Variants in HERC1 observed in about 807,000 individuals in gnomAD.
HERC1 encodes the protein probable E3 ubiquitin-protein ligase HERC1.
HERC1 carries 160 observed loss-of-function variants against 554.3 expected under a neutral mutation model. The ratio of observed to expected loss-of-function variants is 0.29; its 90% CI spans 0.25 to 0.33. The LOEUF is 0.33. HERC1 is among the 10% of genes least tolerant of loss of function. HERC1 has a pLI of 1.00. For synonymous variants in HERC1, 2,175 were observed against 2,131.7 expected, an observed-to-expected ratio of 1.02 and a Z score of -0.56; for missense variants, 4,919 against 5,918.5, an observed-to-expected ratio of 0.83 and a Z score of 5.54.
chr15:63,675,630 G>T (rs927801868), intron 37 of HERC1, among the ~76,000 whole-genome samples: 1 of 152,094 alleles, frequency 6.6e-6, no homozygotes, highest in African/African-American at 2.4e-5. Context: ...TTTCAGTGAG[G>T]ACTTCATTTC....
At chr15:63,740,562 T>C (rs997450798) in intron 12 of HERC1, among the ~76,000 whole-genome samples, 2 of 152,238 alleles carry the variant, frequency 1.3e-5, no homozygotes, top group African/African-American at 4.8e-5. Context: ...AGGTTCTAAT[T>C]TCTCCACCTC....
At chr15:63,638,877 A>T (rs1566962299) in intron 61 of HERC1, 101 bp from the exon 62 acceptor site, 1 of 809,288 alleles carries the variant, frequency 1.2e-6, no homozygotes, top group Non-Finnish European at 2.1e-6. Flanking sequence ...TATTTCCAAA[A>T]AAGAATATGG....
Position 63,624,325 on chromosome 15 carries a change from G to A in HERC1, c.13278C>T (p.Asn4426=), listed in dbSNP as rs2152768008. ...RLLNLSPNNQ[N]STSHYNAGTW... The stretch of plus-strand genomic sequence containing the variant: ...TTCCAGCATTATAATGGGATGTGCT[G>A]TTCTGTAACAGAAGGTACGGTTATC... The change falls in exon 72 of 78, where the codon AAC becomes AAT. Residue 4426 remains asparagine, a splice_region_variant and synonymous_variant. Coordinates refer to ENST00000443617, the MANE Select transcript of HERC1 (RefSeq NM_003922.4). 6.3e-7 allele frequency: 1 copy of A among 1,592,156 alleles called. No homozygotes were observed. Among genetic ancestry groups the A allele is most frequent in the Non-Finnish European group, 8.6e-7 (1 of 1,167,208 alleles).
intron 12 of HERC1, among the ~76,000 whole-genome samples, chr15:63,738,952 A>G (rs965769437): frequency 6.7e-6 from 1 of 150,130 alleles, no homozygotes; most frequent in African/African-American, 2.5e-5. Flanking sequence ...ATTTGAGGGG[A>G]TATGTCCCTC....
chr15:63,709,152 A>AAC (rs1555425502), intron 24 of HERC1, among the ~76,000 whole-genome samples: 9 of 150,758 alleles, frequency 6.0e-5, no homozygotes, highest in African/African-American at 2.2e-4. Context: ...ACACCCAGCT[A>AAC]ATATATATAT....
chr15:63,658,799 C>A, intron 47 of HERC1, 81 bp from the exon 48 acceptor site: 2 of 1,154,136 alleles, frequency 1.7e-6, no homozygotes, highest in Non-Finnish European at 2.4e-6. Context: ...TCCTATTCTA[C>A]AGAGGTTCCA....
At chr15:63,622,398 G>A (rs2068120475) in intron 74 of HERC1, among the ~76,000 whole-genome samples, 1 of 149,146 alleles carries the variant, frequency 6.7e-6, no homozygotes, top group African/African-American at 2.5e-5. Context: ...CCTGATCTCG[G>A]CTCACTGCAG....
At chr15:63,678,423 T>C (rs913832535) in intron 36 of HERC1, 58 bp from the exon 37 acceptor site, 152 of 1,473,310 alleles carry the variant, frequency 1.0e-4, no homozygotes, top group Non-Finnish European at 1.1e-4. Context: ...TCTTAGTCAC[T>C]ATAAATTCTA....
At chr15:63,691,292 C>G (rs990966215) in intron 31 of HERC1, among the ~76,000 whole-genome samples, 41 of 151,728 alleles carry the variant, frequency 2.7e-4, no homozygotes, top group African/African-American at 9.7e-4. Context: ...ATGGTGAAAC[C>G]CTGCCTTTAC....
At chr15:63,799,941 G>A (rs12324720) in intron 1 of HERC1, among the ~76,000 whole-genome samples, 20,102 of 152,030 alleles carry the variant, frequency 0.13, 1,791 homozygotes, top group Middle Eastern at 0.21. Context: ...CTGAGCCTGC[G>A]CAACAGTGTG....
At chr15:63,696,961 A>T (rs2072453985) in intron 26 of HERC1, among the ~76,000 whole-genome samples, 1 of 151,892 alleles carries the variant, frequency 6.6e-6, no homozygotes, top group Admixed American at 6.6e-5. Flanking sequence ...ATTATTTTGA[A>T]ATAATTTTAG....
intron 2 of HERC1, among the ~76,000 whole-genome samples, chr15:63,764,651 T>C (rs1374658777): frequency 6.6e-6 from 1 of 152,120 alleles, no homozygotes; most frequent in Non-Finnish European, 1.5e-5. Context: ...CCCTTCTTAG[T>C]TTCACCACAA....
At chr15:63,676,697 A>C (rs988369456) in intron 37 of HERC1, among the ~76,000 whole-genome samples, 23 of 152,220 alleles carry the variant, frequency 1.5e-4, no homozygotes, top group African/African-American at 5.3e-4. Flanking sequence ...CAGAAGTTGC[A>C]GTGAGCCAAG....
chr15:63,754,596 G>T lies in HERC1; in HGVS notation c.1683C>A (p.Ser561Arg). 6.2e-7 allele frequency: 1 copy of T among 1,613,238 alleles called. No homozygotes were observed. The highest frequency in any genetic ancestry group is 8.5e-7 in the Non-Finnish European group (1 of 1,179,358). ...TGCCACAAGAAACCTCTCCTACATT[G>T]CTGATGTCTTTTACTAATGTTGGAA... The part of the protein sequence containing the change: ...RNIPTLVKDI[S>R]NVGEVSCGSS... The change falls in exon 7 of 78, where the codon AGC becomes AGA. Residue 561 changes from serine to arginine, a missense_variant. By Grantham distance (110) the Ser-to-Arg change is moderately radical. Around this residue, in one of 11 missense-constraint regions of HERC1, gnomAD observed 744 missense variants for 1,090.0 expected, o/e 0.68. Transcript: ENST00000443617.
intron 77 of HERC1, among the ~76,000 whole-genome samples, chr15:63,609,958 G>C (rs778890871): frequency 3.2e-4 from 48 of 152,112 alleles, no homozygotes; most frequent in Non-Finnish European, 2.8e-4. Context: ...ATAAAAATTT[G>C]TACAATTGAG....
In HERC1 at chr15:63,649,827, A is replaced by G. The variant is rs2152882345; in HGVS notation, c.10645T>C (p.Leu3549=). 1.2e-6 allele frequency: 2 copies of G among 1,613,534 alleles called. No homozygotes were observed. Among genetic ancestry groups the G allele is most frequent in the Non-Finnish European group, 1.7e-6 (2 of 1,179,722 alleles). The change falls in exon 54 of 78, where the codon TTG becomes CTG. Residue 3549 remains leucine, a synonymous_variant. Coordinates refer to ENST00000443617, the MANE Select transcript of HERC1 (RefSeq NM_003922.4). ...ATAWSGESPE[L]LLVGRMDGSL... ...CCATCCATCCGTCCCACCAACAACA[A>G]TTCTGGAGACTCTCCTGACCAGGCT...
At chr15:63,817,723 A>C (rs891605327) in intron 1 of HERC1, among the ~76,000 whole-genome samples, 4 of 152,174 alleles carry the variant, frequency 2.6e-5, no homozygotes, top group Admixed American at 6.5e-5. Flanking sequence ...TCAAATAATA[A>C]TAACAACAAC....
At position 63,747,028 on chromosome 15, in the gene HERC1, G is replaced by A; in HGVS notation, c.2410C>T (p.Leu804Phe). 6.3e-7 allele frequency: 1 copy of A among 1,594,294 alleles called. No individual in the cohort carries two copies. Among genetic ancestry groups the A allele is most frequent in the Non-Finnish European group, 8.5e-7 (1 of 1,170,692 alleles). The change falls in exon 12 of 78, where the codon CTT becomes TTT. Residue 804 changes from leucine (L) to phenylalanine (F), a missense_variant. Coordinates refer to ENST00000443617, the MANE Select transcript of HERC1 (RefSeq NM_003922.4). ...CLKLLSNHLA[L>F]ALAGGVATSI... ...GTAGCTACCCCTCCCGCAAGTGCAA[G>A]AGCAAGGTGATTTGAAAGTAGCTTC...
At chr15:63,769,102 C>T (rs1210393379) in intron 2 of HERC1, among the ~76,000 whole-genome samples, 1 of 152,064 alleles carries the variant, frequency 6.6e-6, no homozygotes, top group East Asian at 1.9e-4. Flanking sequence ...CAGTCAGTTA[C>T]GATTGAAGAC....
Sources: gnomAD v4.1 joint callset for allele counts (sites outside exome capture counted in the v4.1 genomes callset) on GRCh38, gnomAD v4.1.1 for gene constraint, gnomAD v4.1.1 regional missense constraint, MANE v1.5 for transcripts, NCBI Gene and HGNC (gene_info 2026-07-23, HGNC 2026-07-21) for gene names.